ARMH4: variants seen among roughly 807,000 people sequenced by gnomAD.
ARMH4 encodes armadillo-like helical domain-containing protein 4.
A neutral mutation model predicts 61.9 loss-of-function variants in ARMH4; 49 were observed. That is an observed-to-expected ratio of 0.79 (90% confidence interval 0.63 to 1.00). The LOEUF is 1.00. Ranked by LOEUF, ARMH4 falls within the 50% of genes least tolerant of loss-of-function variation. ARMH4 has a pLI of 0.00. For synonymous variants in ARMH4, 368 were observed against 341.5 expected (o/e 1.08, Z -0.85); for missense variants, 934 against 930.0 (o/e 1.00, Z -0.06).
chr14:58,004,811 A>C lies in ARMH4; in HGVS notation c.2257-7T>G. ...TGCTGTTGAATTCTCTCTGCTAGAGAAAGAAAACAGAAAAGCATTAAACTC... is the reference window on the plus strand; with the variant it reads ...TGCTGTTGAATTCTCTCTGCTAGAGCAAGAAAACAGAAAAGCATTAAACTC... On this transcript the variant is annotated splice_region_variant and splice_polypyrimidine_tract_variant and intron_variant, in intron 7 of 7. Coordinates refer to ENST00000267485, the MANE Select transcript of ARMH4 (RefSeq NM_001001872.4). 6.2e-7 allele frequency: 1 copy of C among 1,607,090 alleles called. No homozygotes were observed. The highest frequency in any genetic ancestry group is 1.1e-5 in the South Asian group (1 of 90,800).
At chr14:58,079,306 G>C (rs145497103) in intron 5 of ARMH4, among the ~76,000 whole-genome samples, 1 of 152,186 alleles carries the variant, frequency 6.6e-6, no homozygotes, top group East Asian at 1.9e-4. Flanking sequence ...ACTCGCATCT[G>C]GCAAGAGCCT....
intron 5 of ARMH4, among the ~76,000 whole-genome samples, chr14:58,026,832 C>A (rs928722348): frequency 6.6e-6 from 1 of 152,094 alleles, no homozygotes; most frequent in Admixed American, 6.6e-5. Context: ...AAAGCCATGG[C>A]TTGAACATAG....
chr14:58,043,578 C>T (rs938209014), intron 5 of ARMH4, among the ~76,000 whole-genome samples: 1 of 152,092 alleles, frequency 6.6e-6, no homozygotes, highest in African/African-American at 2.4e-5. Flanking sequence ...CACTCCTATT[C>T]GACATAGTGT....
At position 58,004,650 on chromosome 14, in the gene ARMH4, G is replaced by T; in HGVS notation, c.*86C>A. On this transcript the variant is annotated 3_prime_UTR_variant, in exon 8 of 8. Coordinates refer to ENST00000267485, the MANE Select transcript of ARMH4 (RefSeq NM_001001872.4). Reference sequence around the variant, plus strand: ...CTAACGGCCTGATAGCAGCAATGTGGCAGGTTGTTCTTTTTTTTTTTCTGC... The same window carrying T: ...CTAACGGCCTGATAGCAGCAATGTGTCAGGTTGTTCTTTTTTTTTTTCTGC... 1 of 1,137,142 alleles carries T rather than the reference G, an allele frequency of 8.8e-7. No homozygotes were observed. The highest frequency in any genetic ancestry group is 1.3e-6 in the Non-Finnish European group (1 of 768,690). The allele number at this position is 1,137,142 out of a possible 1,614,324, so 70.4% of individuals were successfully genotyped here.
rs1882092364 is a variant in ARMH4 at position 58,004,648 on chromosome 14, T to C, written c.*88A>G. 6.2e-6 allele frequency: 7 copies of C among 1,121,610 alleles called. No homozygotes were observed. Among genetic ancestry groups the C allele is most frequent in the Non-Finnish European group, 6.6e-6 (5 of 755,584 alleles). The allele number at this position is 1,121,610 out of a possible 1,614,324, so 69.5% of individuals were successfully genotyped here. On this transcript the variant is annotated 3_prime_UTR_variant, in exon 8 of 8. Transcript: ENST00000267485. ...GACTAACGGCCTGATAGCAGCAATGTGGCAGGTTGTTCTTTTTTTTTTTCT... is the reference window on the plus strand; with the variant it reads ...GACTAACGGCCTGATAGCAGCAATGCGGCAGGTTGTTCTTTTTTTTTTTCT...
chr14:58,030,142 G>A (rs764886609), intron 5 of ARMH4, among the ~76,000 whole-genome samples: 1 of 152,224 alleles, frequency 6.6e-6, no homozygotes, highest in Non-Finnish European at 1.5e-5. Flanking sequence ...GGGTAAAGAA[G>A]CTATGTGGTC....
intron 4 of ARMH4, among the ~76,000 whole-genome samples, chr14:58,112,599 AATTT>A (rs762867958): frequency 3.9e-4 from 60 of 152,130 alleles, no homozygotes; most frequent in Non-Finnish European, 7.8e-4. Flanking sequence ...CATATTTACC[AATTT>A]ATTTGTTCAC....
chr14:58,008,062 T>C (rs1165043400), intron 6 of ARMH4, among the ~76,000 whole-genome samples: 1 of 152,202 alleles, frequency 6.6e-6, no homozygotes, highest in African/African-American at 2.4e-5. Flanking sequence ...GAAGGATATT[T>C]TGGGTTTGTT....
intron 4 of ARMH4, among the ~76,000 whole-genome samples, chr14:58,101,932 T>C (rs1885996156): frequency 6.6e-6 from 1 of 151,936 alleles, no homozygotes; most frequent in African/African-American, 2.4e-5. Flanking sequence ...GAAGGAGGGA[T>C]GGGTGAATGA....
chr14:58,084,542 T>C (rs1052510414), intron 5 of ARMH4, among the ~76,000 whole-genome samples: 1 of 152,188 alleles, frequency 6.6e-6, no homozygotes, highest in Non-Finnish European at 1.5e-5. Flanking sequence ...AAGTTGCCAA[T>C]ATGACTTCAG....
At chr14:58,014,529 A>G (rs536429377) in intron 5 of ARMH4, among the ~76,000 whole-genome samples, 2 of 152,364 alleles carry the variant, frequency 1.3e-5, no homozygotes, top group East Asian at 3.9e-4. Flanking sequence ...CAAAGTGTTT[A>G]GTACAGAAAT....
chr14:58,051,193 G>A (rs745409230), intron 5 of ARMH4, among the ~76,000 whole-genome samples: 7 of 151,992 alleles, frequency 4.6e-5, no homozygotes, highest in Non-Finnish European at 1.0e-4. Context: ...TGGCAACTTA[G>A]CAGGTAAAAA....
Position 58,096,751 on chromosome 14 carries a change from C to G in ARMH4, c.2062G>C (p.Glu688Gln). ...GATYQVPDAL[E>Q]WEQQNQGLVR... ...AGGCCTTGATTCTGCTGTTCCCACT[C>G]GAGGGCATCTGGCACCTGGTAGGTA... The change falls in exon 5 of 8, where the codon GAG (glutamate) becomes CAG (glutamine). Residue 688 changes from glutamate (E) to glutamine (Q), a missense_variant. Physicochemically the swap from Glu to Gln is conservative, Grantham distance 29. Transcript: ENST00000267485. The G allele has an allele frequency of 6.2e-7, 1 of 1,614,062 alleles. No homozygotes were observed. The highest frequency in any genetic ancestry group is 8.5e-7 in the Non-Finnish European group (1 of 1,180,002).
intron 5 of ARMH4, among the ~76,000 whole-genome samples, chr14:58,015,141 C>T (rs1355310073): frequency 6.6e-6 from 1 of 152,304 alleles, no homozygotes; most frequent in East Asian, 1.9e-4. Context: ...AAACTGTCCA[C>T]ATCTTAGGTT....
chr14:58,039,620 A>C (rs534640996), intron 5 of ARMH4, among the ~76,000 whole-genome samples: 1 of 152,318 alleles, frequency 6.6e-6, no homozygotes, highest in East Asian at 1.9e-4. Context: ...GCAGTGGCTC[A>C]TTAAGGAGCC....
chr14:58,139,663 C>A (rs191821815), intron 1 of ARMH4, among the ~76,000 whole-genome samples: 1 of 152,132 alleles, frequency 6.6e-6, no homozygotes, highest in South Asian at 2.1e-4. Flanking sequence ...GTATTAAGTT[C>A]GTTGTTTCTT....
rs145205918 is a variant in ARMH4, at chr14:58,044,277, A to G, written c.2090-32127T>C. 7.6e-3 allele frequency among the ~76,000 whole-genome samples: 1,160 copies of G among 152,322 alleles called. 19 individuals are homozygous for G. Among genetic ancestry groups the G allele is most frequent in the African/African-American group, 0.026 (1,087 of 41,570 alleles). ...GGTACCAAAACAGAGATATAGACCA[A>G]TGGAACAGAATAGAGCCCTCAGAAA... On this transcript the variant is annotated intron_variant, in intron 5 of 7. Transcript: ENST00000267485.
chr14:58,092,826 T>TTG (rs1020420779), intron 5 of ARMH4, among the ~76,000 whole-genome samples: 8 of 151,864 alleles, frequency 5.3e-5, no homozygotes, highest in African/African-American at 1.2e-4. Flanking sequence ...TTTTTGTTTT[T>TTG]TTTTTTTTAG....
intron 6 of ARMH4, among the ~76,000 whole-genome samples, chr14:58,006,612 C>G (rs543839791): frequency 6.6e-6 from 1 of 152,250 alleles, no homozygotes; most frequent in African/African-American, 2.4e-5. Context: ...TAGCACTGTT[C>G]CTCAGCATAC....
Sources: gnomAD v4.1 joint callset for allele counts (sites outside exome capture counted in the v4.1 genomes callset) on GRCh38, gnomAD v4.1.1 for gene constraint, MANE v1.5 for transcripts, NCBI Gene and HGNC (gene_info 2026-07-23, HGNC 2026-07-21) for gene names.